Variants in MDGA2 observed in about 807,000 individuals in gnomAD.
The protein encoded by MDGA2 is MAM domain containing glycosylphosphatidylinositol anchor 2, also known as MAM domain-containing glycosylphosphatidylinositol anchor protein 2.
Under a neutral mutation model 117.8 loss-of-function variants are expected in MDGA2, and 40 were observed. That is an observed-to-expected ratio of 0.34 (90% CI 0.26 to 0.44). The LOEUF (loss-of-function observed/expected upper bound fraction) is 0.44. MDGA2 is among the 20% of genes least tolerant of loss of function. MDGA2 has a pLI of 1.00. For missense variants in MDGA2, 1,123 were observed against 1,250.6 expected (o/e 0.90, Z 1.54); for synonymous variants, 452 against 439.0 (o/e 1.03, Z -0.37).
At chr14:47,091,757 T>C (rs562736811) in intron 6 of MDGA2, among the ~76,000 whole-genome samples, 57 of 152,212 alleles carry the variant, frequency 3.7e-4, no homozygotes, top group African/African-American at 1.2e-3. Flanking sequence ...CTGGAACTAA[T>C]GTATATCTGC....
chr14:47,141,447 G>T (rs964225981), intron 4 of MDGA2, among the ~76,000 whole-genome samples: 7 of 152,096 alleles, frequency 4.6e-5, no homozygotes, highest in Non-Finnish European at 2.9e-5. Context: ...GTACATAATG[G>T]AATACTATTC....
intron 7 of MDGA2, among the ~76,000 whole-genome samples, chr14:47,045,314 T>C (rs1323315465): frequency 6.6e-6 from 1 of 152,150 alleles, no homozygotes; most frequent in Non-Finnish European, 1.5e-5. Flanking sequence ...AATTTGGTTT[T>C]CTAACTTGAG....
intron 7 of MDGA2, 105 bp from the exon 8 acceptor site, chr14:47,035,409 T>C: frequency 1.1e-6 from 1 of 877,270 alleles, no homozygotes; most frequent in South Asian, 1.7e-5. Flanking sequence ...TGAAGAAATG[T>C]GACAATTCGG....
In MDGA2 at chr14:47,161,927, C is replaced by CTTTTTT. The variant is rs71112489; in HGVS notation, c.596-17659_596-17654dup. 1.7e-4 allele frequency among the ~76,000 whole-genome samples: 9 copies of CTTTTTT among 52,510 alleles called. 1 individual carries two copies. Among genetic ancestry groups the CTTTTTT allele is most frequent in the Non-Finnish European group, 2.5e-4 (7 of 28,486 alleles). The allele number at this position is 52,510 out of a possible 152,430, so 34.4% of individuals were successfully genotyped here. On this transcript the variant is annotated intron_variant, in intron 3 of 16. Transcript: ENST00000399232. ...ATTTAAACACCCCCCTCCCCAGATC[C>CTTTTTT]TTTTTTTTTTTTTTTTTTTTTTTTT...
chr14:46,986,337 C>T (rs1409132708), intron 8 of MDGA2, among the ~76,000 whole-genome samples: 1 of 152,060 alleles, frequency 6.6e-6, no homozygotes, highest in East Asian at 1.9e-4. Flanking sequence ...TTTATACCAA[C>T]AAAGCCTCTT....
rs553880407 is a variant in MDGA2 at position 47,354,975 on chromosome 14, T to A, written c.281-53425A>T. Among the ~76,000 whole-genome samples, 43 of 151,904 alleles carry A rather than the reference T, an allele frequency of 2.8e-4. 1 individual carries two copies. The highest frequency in any genetic ancestry group is 1.3e-4 in the Non-Finnish European group (9 of 67,948). Reference sequence around the variant, plus strand: ...CCTCAACCTTGACAGGCTGGGAAAATTTTAACTTAGGAGAAGAGGCTCTTA... The same window carrying A: ...CCTCAACCTTGACAGGCTGGGAAAAATTTAACTTAGGAGAAGAGGCTCTTA... On this transcript the variant is annotated intron_variant, in intron 1 of 16. Coordinates refer to ENST00000399232, the MANE Select transcript of MDGA2 (RefSeq NM_001113498.3).
At chr14:46,917,836 G>T (rs917162731) in intron 10 of MDGA2, among the ~76,000 whole-genome samples, 1 of 152,122 alleles carries the variant, frequency 6.6e-6, no homozygotes, top group Non-Finnish European at 1.5e-5. Flanking sequence ...GCATTTCCCA[G>T]CAAAAAATAT....
intron 1 of MDGA2, among the ~76,000 whole-genome samples, chr14:47,361,122 T>C (rs1891111167): frequency 6.6e-6 from 1 of 152,060 alleles, no homozygotes; most frequent in South Asian, 2.1e-4. Context: ...TGAATGAATA[T>C]GTTAATTTGC....
At chr14:47,634,987 T>C (rs1447224723) in intron 1 of MDGA2, among the ~76,000 whole-genome samples, 1 of 152,126 alleles carries the variant, frequency 6.6e-6, no homozygotes, top group Non-Finnish European at 1.5e-5. Context: ...TTAACATCTC[T>C]GTGCTTCAAA....
chr14:47,085,034 G>A (rs1327734893), intron 6 of MDGA2, among the ~76,000 whole-genome samples: 1 of 151,752 alleles, frequency 6.6e-6, no homozygotes, highest in Non-Finnish European at 1.5e-5. Flanking sequence ...TGAAACTTCA[G>A]AAATAAAGTT....
intron 16 of MDGA2, among the ~76,000 whole-genome samples, chr14:46,842,800 ATGGTG>A (rs1880672375): frequency 6.6e-6 from 1 of 152,250 alleles, no homozygotes; most frequent in Non-Finnish European, 1.5e-5. Flanking sequence ...TTATATCTGC[ATGGTG>A]TGGACCATAG....
At chr14:47,162,538 TTCTC>T (rs2139282281) in intron 3 of MDGA2, among the ~76,000 whole-genome samples, 1 of 152,102 alleles carries the variant, frequency 6.6e-6, no homozygotes, top group African/African-American at 2.4e-5. Flanking sequence ...GATTTCCTCT[TTCTC>T]CTCGGATTTC....
Position 47,377,410 on chromosome 14 carries a change from G to A in MDGA2, c.281-75860C>T, listed in dbSNP as rs1044135231. On this transcript the variant is annotated intron_variant, in intron 1 of 16. Transcript: ENST00000399232. Reference sequence around the variant, plus strand: ...ACAGAGTGTGAGCCGAAGCAGGGTGGGGCATCGCCTCATCCGGGAAGTGTA... The same window carrying A: ...ACAGAGTGTGAGCCGAAGCAGGGTGAGGCATCGCCTCATCCGGGAAGTGTA... Among the ~76,000 whole-genome samples the A allele has an allele frequency of 3.9e-5, 6 of 152,214 alleles. No individual in the cohort carries two copies. In the East Asian group the frequency reaches 7.7e-4, roughly 20 times the overall value.
intron 1 of MDGA2, among the ~76,000 whole-genome samples, chr14:47,348,519 ATATTTAAATGC>A (rs2138341974): frequency 6.6e-6 from 1 of 152,260 alleles, no homozygotes; most frequent in East Asian, 1.9e-4. Flanking sequence ...GCCCCTTAAC[ATATTTAAATGC>A]TTATGGTAAA....
intron 14 of MDGA2, among the ~76,000 whole-genome samples, chr14:46,866,172 T>C (rs1449878200): frequency 1.3e-5 from 2 of 152,012 alleles, no homozygotes; most frequent in African/African-American, 2.4e-5. Flanking sequence ...CAAAACAGCA[T>C]GGTACTGGTA....
At chr14:47,594,690 T>C (rs1896503246) in intron 1 of MDGA2, among the ~76,000 whole-genome samples, 1 of 152,216 alleles carries the variant, frequency 6.6e-6, no homozygotes, top group Non-Finnish European at 1.5e-5. Flanking sequence ...ACCAGGTAGG[T>C]ACTGTAGATT....
intron 8 of MDGA2, among the ~76,000 whole-genome samples, chr14:46,963,170 T>G (rs1026689087): frequency 6.6e-6 from 1 of 152,192 alleles, no homozygotes; most frequent in Non-Finnish European, 1.5e-5. Context: ...TCAAGAACAC[T>G]GTCCATGATT....
chr14:47,144,956 C>CCAA (rs1882881153), intron 3 of MDGA2, among the ~76,000 whole-genome samples: 1 of 151,414 alleles, frequency 6.6e-6, no homozygotes, highest in African/African-American at 2.4e-5. Context: ...ACCTCTTTGT[C>CCAA]TTAATATACT....
At chr14:46,886,252 T>C (rs1334673222) in intron 10 of MDGA2, among the ~76,000 whole-genome samples, 1 of 152,110 alleles carries the variant, frequency 6.6e-6, no homozygotes, top group Non-Finnish European at 1.5e-5. Flanking sequence ...GAAAATGATC[T>C]ATACCTCAAT....
Sources: allele counts gnomAD v4.1 joint callset (sites outside exome capture counted in the v4.1 genomes callset), GRCh38; gene constraint gnomAD v4.1.1; transcripts MANE v1.5; gene names NCBI Gene and HGNC (gene_info 2026-07-23, HGNC 2026-07-21).